Variants in AGTR1 observed in about 807,000 individuals in gnomAD.
AGTR1 encodes the protein angiotensin II receptor type 1, also known as type-1 angiotensin II receptor.
Under a neutral mutation model 19.4 loss-of-function variants are expected in AGTR1, and 16 were observed. The ratio of observed to expected loss-of-function variants is 0.82; its 90% confidence interval spans 0.56 to 1.25. The LOEUF is 1.25. Ranked by LOEUF, AGTR1 falls within the 50% of genes most tolerant of loss-of-function variation. The pLI, the probability that AGTR1 is intolerant of heterozygous loss-of-function variation, is 0.00. For missense variants in AGTR1, 373 were observed against 431.9 expected (o/e 0.86, Z 1.21); for synonymous variants, 153 against 154.9 (o/e 0.99, Z 0.09).
chr3:148,731,985 T>G (rs1300862832), intron 2 of AGTR1, among the ~76,000 whole-genome samples: 1 of 152,260 alleles, frequency 6.6e-6, no homozygotes, highest in African/African-American at 2.4e-5. Flanking sequence ...TGAAGTTCTC[T>G]TATAATACTC....
intron 2 of AGTR1, among the ~76,000 whole-genome samples, chr3:148,728,916 T>C (rs1389193704): frequency 6.6e-6 from 1 of 152,274 alleles, no homozygotes; most frequent in African/African-American, 2.4e-5. Flanking sequence ...TTGAAATTTC[T>C]GCTGGCTCAA....
intron 2 of AGTR1, among the ~76,000 whole-genome samples, chr3:148,726,048 A>G (rs1713913433): frequency 6.6e-6 from 1 of 152,026 alleles, no homozygotes; most frequent in Admixed American, 6.6e-5. Flanking sequence ...ATCTTAAAAC[A>G]CTCTTCCAAG....
In AGTR1 at chr3:148,716,959, C is replaced by T. The variant is rs12695886; in HGVS notation, c.-48+8932C>T. 0.02 allele frequency among the ~76,000 whole-genome samples: 3,076 copies of T among 152,156 alleles called. 118 individuals are homozygous for T. The highest frequency in any genetic ancestry group is 0.071 in the African/African-American group (2,937 of 41,512). On this transcript the variant is annotated intron_variant, in intron 2 of 2. Coordinates refer to ENST00000349243, the MANE Select transcript of AGTR1 (RefSeq NM_000685.5). The surrounding 1 kb of genome is among the most constrained non-coding windows in gnomAD (Gnocchi z 4.7). ...TGAATTAATCTCAATGGCACAGTCT[C>T]CTTATTCAAAAAATAAAAATAAAAA...
At chr3:148,740,851 C>A in intron 2 of AGTR1, 138 bp from the exon 3 acceptor site, 1 of 735,106 alleles carries the variant, frequency 1.4e-6, no homozygotes, top group Non-Finnish European at 2.2e-6. Context: ...ACAGTGTTTC[C>A]TTAAGAAATA....
intron 1 of AGTR1, among the ~76,000 whole-genome samples, chr3:148,704,449 C>T (rs374823025): frequency 2.6e-5 from 4 of 151,988 alleles, no homozygotes; most frequent in East Asian, 1.9e-4. Context: ...CTTTTTGGTG[C>T]TCTCATGCTA....
chr3:148,730,639 T>A (rs944257948), intron 2 of AGTR1: 3 of 154,924 alleles, frequency 1.9e-5, no homozygotes, highest in African/African-American at 7.2e-5. Context: ...TAAGCCAGAG[T>A]TGCAAATTAA....
At chr3:148,718,172 C>A (rs1022982935) in intron 2 of AGTR1, among the ~76,000 whole-genome samples, 3 of 152,142 alleles carry the variant, frequency 2.0e-5, no homozygotes, top group African/African-American at 7.2e-5. Context: ...TAGTATTACA[C>A]CTTGCCTGGC....
chr3:148,721,218 T>C (rs1383923531), intron 2 of AGTR1, among the ~76,000 whole-genome samples: 1 of 152,196 alleles, frequency 6.6e-6, no homozygotes, highest in Non-Finnish European at 1.5e-5. Context: ...GCTCCAGTCC[T>C]TTTGGTAAAA....
intron 2 of AGTR1, among the ~76,000 whole-genome samples, chr3:148,737,620 G>C (rs537169358): frequency 6.6e-6 from 1 of 152,282 alleles, no homozygotes; most frequent in South Asian, 2.1e-4. Context: ...GTGAATATGT[G>C]ATGAGTTGGT....
In AGTR1 at chr3:148,741,971, T is replaced by C. The variant is rs1395081675; in HGVS notation, c.936T>C (p.Tyr312=). The C allele has an allele frequency of 1.9e-6, 3 of 1,613,638 alleles. No homozygotes were observed. In the African/African-American group the frequency reaches 4.0e-5, roughly 22 times the overall value. ...YGFLGKKFKR[Y]FLQLLKYIPP... is the part of the protein sequence containing the mutation. ...TTCTGGGGAAAAAATTTAAAAGATA[T>C]TTTCTCCAGCTTCTAAAATATATTC... The change falls in exon 3 of 3, where the codon TAT becomes TAC. Residue 312 remains tyrosine, a synonymous_variant. Coordinates refer to ENST00000349243, the MANE Select transcript of AGTR1 (RefSeq NM_000685.5).
intron 2 of AGTR1, among the ~76,000 whole-genome samples, chr3:148,719,172 T>C (rs1383612279): frequency 6.6e-6 from 1 of 152,176 alleles, no homozygotes. Flanking sequence ...AATACAGACC[T>C]CTAGTGGTTG....
At chr3:148,702,914 A>G (rs1712435136) in intron 1 of AGTR1, among the ~76,000 whole-genome samples, 1 of 152,228 alleles carries the variant, frequency 6.6e-6, no homozygotes, top group Non-Finnish European at 1.5e-5. Flanking sequence ...ATTTAGATAC[A>G]CTGTCCTATT....
chr3:148,741,133 C>A lies in AGTR1; in HGVS notation c.98C>A (p.Thr33Asn). ...RHNYIFVMIP[T>N]LYSIIFVVGI... Reference sequence around the variant, plus strand: ...AATTACATATTTGTCATGATTCCTACTTTATACAGTATCATCTTTGTGGTG... The same window carrying A: ...AATTACATATTTGTCATGATTCCTAATTTATACAGTATCATCTTTGTGGTG... The change falls in exon 3 of 3, where the codon ACT becomes AAT. Residue 33 changes from threonine (T) to asparagine (N), a missense_variant. Thr to Asn is a moderately conservative substitution (Grantham distance 65). Transcript: ENST00000349243. 1 of 1,614,156 alleles carries A rather than the reference C, an allele frequency of 6.2e-7. No individual in the cohort carries two copies. The highest frequency in any genetic ancestry group is 8.5e-7 in the Non-Finnish European group (1 of 1,180,018).
At position 148,716,183 on chromosome 3, in the gene AGTR1, C is replaced by A. The variant is rs765538041; in HGVS notation, c.-48+8156C>A. On this transcript the variant is annotated intron_variant, in intron 2 of 2. Transcript: ENST00000349243. This position sits in a 1 kb window ranked among gnomAD's most constrained non-coding sequence, Gnocchi z 4.7. Reference sequence around the variant, plus strand: ...GCACTCCACCAGTGCCCTTGTCCTCCTGGGCAGAGCTCCTCAGCTATACTC... The same window carrying A: ...GCACTCCACCAGTGCCCTTGTCCTCATGGGCAGAGCTCCTCAGCTATACTC... Among the ~76,000 whole-genome samples, 4 of 152,176 alleles carry A rather than the reference C, an allele frequency of 2.6e-5. No homozygotes were observed. Among genetic ancestry groups the A allele is most frequent in the African/African-American group, 4.8e-5 (2 of 41,444 alleles).
chr3:148,728,732 A>C (rs959225734), intron 2 of AGTR1, among the ~76,000 whole-genome samples: 3 of 152,224 alleles, frequency 2.0e-5, no homozygotes, highest in Admixed American at 2.0e-4. Context: ...CCTATCTGGC[A>C]GGAGATAAGA....
At chr3:148,718,489 A>T (rs537923778) in intron 2 of AGTR1, among the ~76,000 whole-genome samples, 1 of 152,188 alleles carries the variant, frequency 6.6e-6, no homozygotes, top group Non-Finnish European at 1.5e-5. Context: ...CAAATGGACT[A>T]CTCTAGTGAA....
chr3:148,741,902 T>C lies in AGTR1; in HGVS notation c.867T>C (p.Cys289=), dbSNP rs1064533. The change falls in exon 3 of 3, where the codon TGT becomes TGC. Residue 289 remains cysteine (C), a synonymous_variant. Transcript: ENST00000349243. ...IVDTAMPITI[C]IAYFNNCLNP... ...ACACGGCCATGCCTATCACCATTTG[T>C]ATAGCTTATTTTAACAATTGCCTGA... The C allele has an allele frequency of 1.2e-6, 2 of 1,614,168 alleles. No individual in the cohort carries two copies. The highest frequency in any genetic ancestry group is 1.1e-5 in the South Asian group (1 of 91,070).
intron 2 of AGTR1, among the ~76,000 whole-genome samples, chr3:148,727,198 C>G (rs1243760049): frequency 6.6e-6 from 1 of 152,176 alleles, no homozygotes; most frequent in South Asian, 2.1e-4. Context: ...TGTCAAACTT[C>G]CAGAAAGTAA....
intron 2 of AGTR1, among the ~76,000 whole-genome samples, chr3:148,715,730 C>T (rs945924512): frequency 1.3e-5 from 2 of 152,072 alleles, no homozygotes; most frequent in African/African-American, 4.8e-5. Flanking sequence ...TGTTCTAAAT[C>T]TAAGTAAATT....
Sources: gnomAD v4.1 joint callset for allele counts (sites outside exome capture counted in the v4.1 genomes callset) on GRCh38, gnomAD v4.1.1 for gene constraint, Gnocchi (gnomAD v3.1) non-coding constraint, MANE v1.5 for transcripts, NCBI Gene and HGNC (gene_info 2026-07-23, HGNC 2026-07-21) for gene names.